SLC24A2: variants seen among roughly 807,000 people sequenced by gnomAD.
SLC24A2 encodes the protein sodium/potassium/calcium exchanger 2.
Under a neutral mutation model 62.0 loss-of-function variants are expected in SLC24A2, and 36 were observed. The ratio of observed to expected loss-of-function variants is 0.58; its 90% confidence interval spans 0.44 to 0.77. The LOEUF (loss-of-function observed/expected upper bound fraction) is 0.77. Among genes scored for constraint, SLC24A2 ranks in the 30% least tolerant of loss-of-function variants. The pLI, the probability that SLC24A2 is intolerant of heterozygous loss-of-function variation, is 0.00. For synonymous variants in SLC24A2, 358 were observed against 294.0 expected (o/e 1.22, Z -2.23); for missense variants, 846 against 817.9 (o/e 1.03, Z -0.42).
At chr9:20,223,560 G>A in the SLC24A2 span, among the ~76,000 whole-genome samples, 1 of 151,866 alleles carries the variant, frequency 6.6e-6, no homozygotes, top group Non-Finnish European at 1.5e-5. Flanking sequence ...GAATAGTTTG[G>A]TGCTATCAAA....
intron 2 of SLC24A2, among the ~76,000 whole-genome samples, chr9:19,711,691 T>C (rs1413745360): frequency 1.3e-5 from 2 of 152,244 alleles, no homozygotes; most frequent in Admixed American, 6.5e-5. Flanking sequence ...GAAATCCATG[T>C]CCGCAATTCT....
chr9:19,593,479 G>A (rs941895309), intron 5 of SLC24A2, among the ~76,000 whole-genome samples: 17 of 152,140 alleles, frequency 1.1e-4, no homozygotes, highest in African/African-American at 1.9e-4. Flanking sequence ...GAAAGGGCTC[G>A]GAGGGCAAGG....
the SLC24A2 span, among the ~76,000 whole-genome samples, chr9:20,035,342 A>G: frequency 6.6e-6 from 1 of 152,342 alleles, no homozygotes; most frequent in Non-Finnish European, 1.5e-5. Flanking sequence ...ATTAGCTATC[A>G]TTACCAGGAT....
At chr9:19,640,396 T>A (rs1400068885) in intron 2 of SLC24A2, among the ~76,000 whole-genome samples, 1 of 152,242 alleles carries the variant, frequency 6.6e-6, no homozygotes, top group Non-Finnish European at 1.5e-5. Context: ...TTACTTGGGT[T>A]TATTTTAAGT....
chr9:19,616,792 G>C (rs35675299), intron 4 of SLC24A2, among the ~76,000 whole-genome samples: 5,099 of 152,156 alleles, frequency 0.034, 125 homozygotes, highest in Middle Eastern at 0.12. Context: ...AAAATTAAAG[G>C]TTCATTGGCA....
At chr9:19,526,099 C>G (rs1009698714) in intron 9 of SLC24A2, among the ~76,000 whole-genome samples, 2 of 152,118 alleles carry the variant, frequency 1.3e-5, no homozygotes, top group Non-Finnish European at 2.9e-5. Context: ...TAAATGAAAT[C>G]ATATGATGTG....
At chr9:19,838,768 T>TA in the SLC24A2 span, among the ~76,000 whole-genome samples, 12,340 of 137,364 alleles carry the variant, frequency 0.09, 475 homozygotes, top group South Asian at 0.13. Context: ...TTTCCTAATT[T>TA]AAAAAAAAAA....
the SLC24A2 span, among the ~76,000 whole-genome samples, chr9:19,858,329 T>C: frequency 6.6e-6 from 1 of 152,168 alleles, no homozygotes; most frequent in Non-Finnish European, 1.5e-5. Context: ...TGGACTCCTT[T>C]CTTACACCAT....
At chr9:20,175,558 G>A in the SLC24A2 span, among the ~76,000 whole-genome samples, 3 of 151,516 alleles carry the variant, frequency 2.0e-5, no homozygotes, top group Non-Finnish European at 4.4e-5. Context: ...AATATATGTG[G>A]GAAAATTATT....
rs1413699687 is a variant in SLC24A2 at position 19,515,428 on chromosome 9, C to T, written c.*725G>A. Reference sequence around the variant, plus strand: ...ATGTTTTGGAAGGCTCAACTCAGGGCCCCTACAGACCTTCTCCACTAAGCC... The same window carrying T: ...ATGTTTTGGAAGGCTCAACTCAGGGTCCCTACAGACCTTCTCCACTAAGCC... On this transcript the variant is annotated 3_prime_UTR_variant, in exon 11 of 11. Transcript: ENST00000341998. 6.6e-6 allele frequency: 1 copy of T among 152,104 alleles called. No homozygotes were observed. Among genetic ancestry groups the T allele is most frequent in the Admixed American group, 6.6e-5 (1 of 15,262 alleles). 9.4% of individuals were successfully genotyped at this position (152,104 alleles called of 1,614,324 possible). A position where few individuals can be genotyped will look rare whatever the true frequency, so the allele number is the denominator to read the frequency against.
At chr9:19,754,931 C>G (rs1389601019) in intron 2 of SLC24A2, among the ~76,000 whole-genome samples, 1 of 152,086 alleles carries the variant, frequency 6.6e-6, no homozygotes, top group Non-Finnish European at 1.5e-5. Flanking sequence ...TTATAAGCAT[C>G]CAATTCCTAC....
intron 8 of SLC24A2, among the ~76,000 whole-genome samples, chr9:19,549,502 A>T (rs1169066978): frequency 6.6e-6 from 1 of 152,208 alleles, no homozygotes; most frequent in East Asian, 1.9e-4. Flanking sequence ...TGTCACTGCA[A>T]CATTCACTCT....
chr9:19,524,009 G>T (rs1485987480), intron 9 of SLC24A2, among the ~76,000 whole-genome samples: 1 of 151,950 alleles, frequency 6.6e-6, no homozygotes, highest in African/African-American at 2.4e-5. Flanking sequence ...GTTAACTTTT[G>T]TCAAATCAGT....
At chr9:19,691,141 T>G (rs1235616421) in intron 2 of SLC24A2, among the ~76,000 whole-genome samples, 2 of 152,058 alleles carry the variant, frequency 1.3e-5, no homozygotes, top group Non-Finnish European at 1.5e-5. Flanking sequence ...TTTGAAGGTG[T>G]GAACAAGAAA....
At chr9:19,885,325 G>A in the SLC24A2 span, among the ~76,000 whole-genome samples, 2 of 152,188 alleles carry the variant, frequency 1.3e-5, no homozygotes, top group East Asian at 1.9e-4. Flanking sequence ...TGCTATTACT[G>A]GAAGAAGGTA....
chr9:19,833,076 A>G, the SLC24A2 span, among the ~76,000 whole-genome samples: 3 of 152,186 alleles, frequency 2.0e-5, no homozygotes, highest in African/African-American at 7.2e-5. Flanking sequence ...GCGATCATTA[A>G]AAAGTTAGGA....
chr9:19,923,210 T>C, the SLC24A2 span, among the ~76,000 whole-genome samples: 1 of 152,106 alleles, frequency 6.6e-6, no homozygotes, highest in Non-Finnish European at 1.5e-5. Flanking sequence ...ACTGTTAGAA[T>C]GTTCTGAAAG....
the SLC24A2 span, among the ~76,000 whole-genome samples, chr9:20,306,508 C>T: frequency 6.6e-6 from 1 of 152,176 alleles, no homozygotes; most frequent in Non-Finnish European, 1.5e-5. Context: ...GATTTAGCTG[C>T]ACATTCTTGC....
At chr9:20,020,548 A>G in the SLC24A2 span, among the ~76,000 whole-genome samples, 36 of 152,224 alleles carry the variant, frequency 2.4e-4, no homozygotes, top group African/African-American at 8.7e-4. Flanking sequence ...AGGGAGGGGA[A>G]CATCACACAC....
Sources: gnomAD v4.1 joint callset for allele counts (sites outside exome capture counted in the v4.1 genomes callset) on GRCh38, gnomAD v4.1.1 for gene constraint, MANE v1.5 for transcripts, NCBI Gene and HGNC (gene_info 2026-07-23, HGNC 2026-07-21) for gene names.